JADE2: variants seen among roughly 807,000 people sequenced by gnomAD.
JADE2 encodes jade family PHD finger 2.
A neutral mutation model predicts 85.7 loss-of-function variants in JADE2; 13 were observed. The observed-to-expected ratio is 0.15, with a 90% CI of 0.10 to 0.24. The LOEUF is 0.24. Ranked by LOEUF, JADE2 falls within the 10% of genes least tolerant of loss-of-function variation. JADE2 has a pLI of 1.00. For synonymous variants in JADE2, 440 were observed against 456.1 expected (o/e 0.96, Z 0.45); for missense variants, 846 against 1,115.9 (o/e 0.76, Z 3.45).
intron 8 of JADE2, 28 bp downstream of exon 8, chr5:134,564,638 C>A: frequency 7.0e-7 from 1 of 1,422,136 alleles, no homozygotes; most frequent in Non-Finnish European, 9.6e-7. Context: ...CCTCCTGCTG[C>A]CAGGAGCTGG....
intron 3 of JADE2, among the ~76,000 whole-genome samples, chr5:134,549,620 G>A (rs1762491515): frequency 6.6e-6 from 1 of 152,092 alleles, no homozygotes; most frequent in South Asian, 2.1e-4. Flanking sequence ...TTGTGCACCT[G>A]CACTCCAGCC....
At chr5:134,556,144 G>A (rs1011522299) in intron 4 of JADE2, among the ~76,000 whole-genome samples, 6 of 152,330 alleles carry the variant, frequency 3.9e-5, no homozygotes, top group African/African-American at 1.4e-4. Context: ...TGTCAGCGCT[G>A]AGTCACAGCT....
chr5:134,524,738 C>T (rs1020804866), upstream of JADE2, among the ~76,000 whole-genome samples: 5 of 152,172 alleles, frequency 3.3e-5, no homozygotes, highest in Non-Finnish European at 7.4e-5. Flanking sequence ...CAATGGGGAC[C>T]CTCTCTACGG....
chr5:134,552,162 T>C lies in JADE2; in HGVS notation c.264T>C (p.Gly88=). The C allele has an allele frequency of 6.2e-7, 1 of 1,614,086 alleles. No homozygotes were observed. The highest frequency in any genetic ancestry group is 1.7e-5 in the Admixed American group (1 of 60,020). The change falls in exon 4 of 12, where the codon GGT becomes GGC. Residue 88 remains glycine, a synonymous_variant. Coordinates refer to ENST00000681547, the MANE Select transcript of JADE2 (RefSeq NM_001388185.1). ...ADPWRQEWEK[G]VQVPAGAEAI... Reference sequence around the variant, plus strand: ...CATGGCGACAGGAATGGGAGAAAGGTGTGCAGGTGCCTGCCGGGGCAGAGG... The same window carrying C: ...CATGGCGACAGGAATGGGAGAAAGGCGTGCAGGTGCCTGCCGGGGCAGAGG...
At chr5:134,538,650 G>A (rs561880639) in intron 3 of JADE2, among the ~76,000 whole-genome samples, 96 of 152,216 alleles carry the variant, frequency 6.3e-4, no homozygotes, top group African/African-American at 2.0e-3. Context: ...ACTGAGAAGC[G>A]CACTGGGGGT....
intron 1 of JADE2, among the ~76,000 whole-genome samples, chr5:134,529,274 C>G (rs1299106122): frequency 6.6e-6 from 1 of 152,210 alleles, no homozygotes; most frequent in Non-Finnish European, 1.5e-5. Flanking sequence ...CCCTGTCCTC[C>G]AGATAGGACC....
chr5:134,526,043 C>G, intron 1 of JADE2, 32 bp downstream of exon 1: 8 of 985,424 alleles, frequency 8.1e-6, no homozygotes, highest in Non-Finnish European at 9.6e-6. Flanking sequence ...ATGGGCCCTG[C>G]GCATCTCCAC....
At chr5:134,540,280 G>A (rs1384315531) in intron 3 of JADE2, among the ~76,000 whole-genome samples, 2 of 151,930 alleles carry the variant, frequency 1.3e-5, no homozygotes, top group East Asian at 1.9e-4. Flanking sequence ...GTGCAGTGGT[G>A]CAATCATGGC....
chr5:134,577,657 C>G (rs985647408), intron 11 of JADE2, among the ~76,000 whole-genome samples: 4 of 152,166 alleles, frequency 2.6e-5, no homozygotes, highest in African/African-American at 9.7e-5. Context: ...TGCCACTGCA[C>G]TCCAGCCTGG....
chr5:134,576,807 C>T lies in JADE2; in HGVS notation c.1592C>T (p.Ser531Leu), dbSNP rs755752986. The change falls in exon 11 of 12, where the codon TCG becomes TTG. Residue 531 changes from serine (S) to leucine (L), a missense_variant. Ser to Leu is a moderately radical substitution (Grantham distance 145). This residue lies in a region of JADE2 where 119 missense variants were observed against 163.9 expected (regional missense o/e 0.73). Transcript: ENST00000681547. ...AGAGCAAAGGGCAAGAAGAGTGACTCGAAGAGGAAGGGCTGCGAGGGCTCC... is the reference window on the plus strand; with the variant it reads ...AGAGCAAAGGGCAAGAAGAGTGACTTGAAGAGGAAGGGCTGCGAGGGCTCC... ...GRRAKGKKSD[S>L]KRKGCEGSKG... is the part of the protein sequence containing the mutation. 5.4e-5 allele frequency: 84 copies of T among 1,550,424 alleles called. 1 individual carries two copies. In the African/African-American group the frequency reaches 1.0e-3, roughly 19 times the overall value.
intron 3 of JADE2, among the ~76,000 whole-genome samples, chr5:134,539,414 G>T (rs1761832101): frequency 6.6e-6 from 1 of 151,616 alleles, no homozygotes; most frequent in African/African-American, 2.4e-5. Context: ...GGCCAGGCTG[G>T]TCTTGAACTC....
At position 134,578,989 on chromosome 5, in the gene JADE2, A is replaced by G; in HGVS notation, c.2177A>G (p.Asp726Gly). 6.2e-7 allele frequency: 1 copy of G among 1,613,718 alleles called. No homozygotes were observed. The highest frequency in any genetic ancestry group is 8.5e-7 in the Non-Finnish European group (1 of 1,179,990). ...CCGCCACTGGCCCCTGAGACCCCGG[A>G]CGAGGCAGCCTCAGTAGCTGCTGAC... ...SPPPLAPETP[D>G]EAASVAADSD... Residue 726 changes from aspartate to glycine, a missense_variant, in exon 12 of 12, where the codon GAC becomes GGC. Physicochemically the swap from Asp to Gly is moderately conservative, Grantham distance 94. Around this residue, in one of 9 missense-constraint regions of JADE2, gnomAD observed 300 missense variants for 300.7 expected, o/e 1.00. Transcript: ENST00000681547. The surrounding 1 kb of genome is among the most constrained non-coding windows in gnomAD (Gnocchi z 4.4).
chr5:134,531,625 C>T (rs760827073), intron 1 of JADE2, among the ~76,000 whole-genome samples: 22 of 151,812 alleles, frequency 1.4e-4, no homozygotes, highest in Non-Finnish European at 2.8e-4. Flanking sequence ...CTCTGTTGTC[C>T]AGGCTGGAGG....
chr5:134,566,809 T>TC lies in JADE2; in HGVS notation c.1434+231dup, dbSNP rs1230410012. 1.3e-5 allele frequency among the ~76,000 whole-genome samples: 2 copies of TC among 152,198 alleles called. No individual in the cohort carries two copies. Among genetic ancestry groups the TC allele is most frequent in the Non-Finnish European group, 2.9e-5 (2 of 68,038 alleles). On this transcript the variant is annotated intron_variant, in intron 9 of 11. Coordinates refer to ENST00000681547, the MANE Select transcript of JADE2 (RefSeq NM_001388185.1). This position sits in a 1 kb window ranked among gnomAD's most constrained non-coding sequence, Gnocchi z 6.7. ...CAGAGAAGAGTCCAGTTCTTGAGTCTCCGAGTCCCTCTTGTCCTAGCCCTG... is the reference window on the plus strand; with the variant it reads ...CAGAGAAGAGTCCAGTTCTTGAGTCTCCCGAGTCCCTCTTGTCCTAGCCCTG...
Position 134,566,679 on chromosome 5 carries a change from C to T in JADE2, c.1434+99C>T, listed in dbSNP as rs1763664299. ...CTGGAGCAGCTAGGACTCACCAGGA[C>T]TCAAACTGTGAGCTCTGGTGGACCG... On this transcript the variant is annotated intron_variant, in intron 9 of 11. Transcript: ENST00000681547. The surrounding 1 kb of genome is among the most constrained non-coding windows in gnomAD (Gnocchi z 6.7). 2 of 934,338 alleles carry T rather than the reference C, an allele frequency of 2.1e-6. No homozygotes were observed. The highest frequency in any genetic ancestry group is 3.1e-6 in the Non-Finnish European group (2 of 637,888). The allele number at this position is 934,338 out of a possible 1,614,324, so 57.9% of individuals were successfully genotyped here.
intron 1 of JADE2, among the ~76,000 whole-genome samples, chr5:134,531,940 GGC>G: frequency 7.8e-6 from 1 of 128,734 alleles, no homozygotes; most frequent in African/African-American, 2.9e-5. Context: ...CTGTCACCCA[GGC>G]TGGAGTGCAG....
intron 1 of JADE2, 87 bp from the exon 2 acceptor site, chr5:134,535,771 G>A (rs958076404): frequency 9.5e-7 from 1 of 1,057,696 alleles, no homozygotes; most frequent in East Asian, 2.4e-5. Context: ...TCATAAGTGT[G>A]GGGAGGTTGG....
At chr5:134,546,449 A>G (rs766998708) in intron 3 of JADE2, among the ~76,000 whole-genome samples, 1 of 152,204 alleles carries the variant, frequency 6.6e-6, no homozygotes, top group Admixed American at 6.5e-5. Flanking sequence ...CTTGACTATT[A>G]GAAGAGATGG....
intron 1 of JADE2, among the ~76,000 whole-genome samples, chr5:134,531,266 T>C (rs1305920874): frequency 6.6e-6 from 1 of 152,128 alleles, no homozygotes; most frequent in Non-Finnish European, 1.5e-5. Context: ...CCAGCATGGC[T>C]AGAAGGTGGT....
Sources: gnomAD v4.1 joint callset for allele counts (sites outside exome capture counted in the v4.1 genomes callset) on GRCh38, gnomAD v4.1.1 for gene constraint, gnomAD v4.1.1 regional missense constraint, Gnocchi (gnomAD v3.1) non-coding constraint, MANE v1.5 for transcripts, NCBI Gene and HGNC (gene_info 2026-07-23, HGNC 2026-07-21) for gene names.